The following ASTN2 variants were observed in gnomAD, a reference collection of about 807,000 sequenced individuals.
The protein encoded by ASTN2 is astrotactin-2.
In ASTN2, 54 loss-of-function variants were observed where a neutral mutation model predicts 139.8. The ratio of observed to expected loss-of-function variants is 0.39; its 90% confidence interval spans 0.31 to 0.48. The LOEUF (loss-of-function observed/expected upper bound fraction) is 0.48. Among genes scored for constraint, ASTN2 ranks in the 20% least tolerant of loss-of-function variants. ASTN2 has a pLI of 0.95. For missense variants in ASTN2, 1,565 were observed against 1,725.1 expected (o/e 0.91, Z 1.64); for synonymous variants, 756 against 719.5 (o/e 1.05, Z -0.81).
intron 11 of ASTN2, among the ~76,000 whole-genome samples, chr9:116,831,983 G>A (rs1381536188): frequency 6.6e-6 from 1 of 152,090 alleles, no homozygotes; most frequent in Non-Finnish European, 1.5e-5. Flanking sequence ...CGTGGCCCAT[G>A]CATATTTTGT....
intron 19 of ASTN2, among the ~76,000 whole-genome samples, chr9:116,510,058 G>A (rs1016342137): frequency 6.6e-6 from 1 of 152,218 alleles, no homozygotes; most frequent in Non-Finnish European, 1.5e-5. Context: ...TGCTTTTGGT[G>A]TTTGAGACAC....
chr9:117,063,071 T>C (rs992604282), intron 5 of ASTN2, among the ~76,000 whole-genome samples: 1 of 152,218 alleles, frequency 6.6e-6, no homozygotes. Context: ...TAAGGACAAC[T>C]TTTTCTGGAA....
chr9:116,510,724 T>C (rs957055257), intron 19 of ASTN2, among the ~76,000 whole-genome samples: 8 of 152,210 alleles, frequency 5.3e-5, no homozygotes, highest in African/African-American at 1.9e-4. Context: ...TCACATCCCT[T>C]GTAAGTTGGA....
chr9:116,902,387 G>T (rs1205215227), intron 10 of ASTN2, among the ~76,000 whole-genome samples: 1 of 152,138 alleles, frequency 6.6e-6, no homozygotes, highest in Non-Finnish European at 1.5e-5. Context: ...ATGTGTTTGT[G>T]TTTCAAGATG....
At chr9:116,507,464 G>A (rs1236846596) in intron 19 of ASTN2, among the ~76,000 whole-genome samples, 1 of 152,172 alleles carries the variant, frequency 6.6e-6, no homozygotes, top group African/African-American at 2.4e-5. Context: ...GAATGTCTGT[G>A]TTAATGGCAG....
In ASTN2 at chr9:116,669,718, T is replaced by C. The variant is rs182044119; in HGVS notation, c.2807-17925A>G. Among the ~76,000 whole-genome samples, 3 of 152,314 alleles carry C rather than the reference T, an allele frequency of 2.0e-5. No homozygotes were observed. In the East Asian group the frequency reaches 5.8e-4, roughly 29 times the overall value. ...AAATACTTTCTCCCAGTCTTTGGCT[T>C]GTATTCTCATTATCTTGACATTGTC... On this transcript the variant is annotated intron_variant, in intron 16 of 22. Transcript: ENST00000313400.
intron 17 of ASTN2, among the ~76,000 whole-genome samples, chr9:116,640,719 T>C (rs2131891570): frequency 6.6e-6 from 1 of 152,346 alleles, no homozygotes; most frequent in African/African-American, 2.4e-5. Flanking sequence ...GGTTTTTATC[T>C]TAAGAGCAAC....
chr9:116,832,174 G>A (rs1831832771), intron 11 of ASTN2, among the ~76,000 whole-genome samples: 1 of 152,114 alleles, frequency 6.6e-6, no homozygotes, highest in Admixed American at 6.6e-5. Flanking sequence ...TACAATTGAT[G>A]TTGTATATTT....
intron 2 of ASTN2, among the ~76,000 whole-genome samples, chr9:117,223,404 C>T (rs1475199363): frequency 2.0e-5 from 3 of 152,060 alleles, no homozygotes; most frequent in South Asian, 2.1e-4. Flanking sequence ...ATGTCAATAG[C>T]GCAGAGTTTG....
intron 19 of ASTN2, chr9:116,611,100 T>C (rs188014291): frequency 6.6e-6 from 1 of 152,014 alleles, no homozygotes; most frequent in Non-Finnish European, 1.5e-5. Context: ...TTTCTGACTA[T>C]AGCGGAATCA....
intron 2 of ASTN2, among the ~76,000 whole-genome samples, chr9:117,265,206 C>A (rs141000802): frequency 6.6e-6 from 1 of 152,114 alleles, no homozygotes; most frequent in East Asian, 1.9e-4. Context: ...AGTTAGGAAA[C>A]AAGGCAGGGA....
chr9:116,560,644 T>C (rs1394323315), intron 19 of ASTN2, among the ~76,000 whole-genome samples: 3 of 152,198 alleles, frequency 2.0e-5, no homozygotes, highest in African/African-American at 7.2e-5. Flanking sequence ...ATTCAATTGA[T>C]GTGTTTGTCT....
intron 13 of ASTN2, among the ~76,000 whole-genome samples, chr9:116,785,857 G>A (rs764551434): frequency 2.6e-5 from 4 of 152,054 alleles, no homozygotes; most frequent in African/African-American, 4.8e-5. Flanking sequence ...GCCCACTAAC[G>A]TCTATTCTTC....
At chr9:117,393,322 G>A (rs1326246071) in intron 1 of ASTN2, among the ~76,000 whole-genome samples, 4 of 151,896 alleles carry the variant, frequency 2.6e-5, no homozygotes, top group Non-Finnish European at 5.9e-5. Flanking sequence ...AGATTGTTGG[G>A]GACAGAGAGA....
At chr9:116,783,293 CCTT>C (rs2132208582) in intron 13 of ASTN2, among the ~76,000 whole-genome samples, 4 of 86,808 alleles carry the variant, frequency 4.6e-5, no homozygotes, top group Admixed American at 1.2e-4. Context: ...TTCCTTCCTT[CCTT>C]CCTCCCTCCC....
intron 19 of ASTN2, among the ~76,000 whole-genome samples, chr9:116,492,131 G>A (rs1226222083): frequency 1.3e-5 from 2 of 151,132 alleles, no homozygotes; most frequent in East Asian, 1.9e-4. Context: ...GCCCAGGCTG[G>A]AGTGCAGTGG....
At chr9:116,805,236 C>T (rs991724300) in intron 13 of ASTN2, among the ~76,000 whole-genome samples, 9 of 151,598 alleles carry the variant, frequency 5.9e-5, no homozygotes, top group African/African-American at 9.7e-5. Context: ...CTGGGTGATG[C>T]GATTTTTATT....
At chr9:117,129,917 A>T (rs1245625219) in intron 4 of ASTN2, among the ~76,000 whole-genome samples, 5 of 152,152 alleles carry the variant, frequency 3.3e-5, no homozygotes, top group Non-Finnish European at 7.3e-5. Flanking sequence ...CACAAAATAT[A>T]TATTTTTCCT....
At chr9:116,896,337 T>C (rs1833878526) in intron 10 of ASTN2, among the ~76,000 whole-genome samples, 1 of 152,178 alleles carries the variant, frequency 6.6e-6, no homozygotes, top group Admixed American at 6.5e-5. Context: ...TTTAAATTTT[T>C]ATTTTGATTT....
Sources: gnomAD v4.1 joint callset for allele counts (sites outside exome capture counted in the v4.1 genomes callset) on GRCh38, gnomAD v4.1.1 for gene constraint, MANE v1.5 for transcripts, NCBI Gene and HGNC (gene_info 2026-07-23, HGNC 2026-07-21) for gene names.